Variants in ITCH observed in about 807,000 individuals in gnomAD.
ITCH encodes the protein itchy E3 ubiquitin protein ligase, also known as E3 ubiquitin-protein ligase Itchy homolog.
In ITCH, 28 loss-of-function variants were observed where a neutral mutation model predicts 126.8. The ratio of observed to expected loss-of-function variants is 0.22; its 90% confidence interval spans 0.16 to 0.30. The LOEUF (loss-of-function observed/expected upper bound fraction) is 0.30. Ranked by LOEUF, ITCH falls within the 10% of genes least tolerant of loss-of-function variation. The pLI is 1.00. For missense variants in ITCH, 631 were observed against 1,032.4 expected (o/e 0.61, Z 5.33); for synonymous variants, 342 against 340.0 (o/e 1.01, Z -0.06).
rs546555130 is a variant in ITCH, at chr20:34,390,443, C to CTTT, written c.-21-3325_-21-3323dup. ...ATGGTATAGAATTGACAAGAATAAT[C>CTTT]TTTTTTTTTTTTTTTTTTTTTTTTT... On this transcript the variant is annotated intron_variant, in intron 2 of 24. Coordinates refer to ENST00000374864, the MANE Select transcript of ITCH (RefSeq NM_031483.7). Among the ~76,000 whole-genome samples the CTTT allele has an allele frequency of 3.9e-3, 356 of 90,778 alleles. 1 individual carries two copies. Among genetic ancestry groups the CTTT allele is most frequent in the East Asian group, 5.1e-3 (15 of 2,958 alleles). The allele number at this position is 90,778 out of a possible 152,430, so 59.6% of individuals were successfully genotyped here.
At chr20:34,490,876 T>C (rs1989460146) in intron 22 of ITCH, among the ~76,000 whole-genome samples, 2 of 152,176 alleles carry the variant, frequency 1.3e-5, no homozygotes, top group Non-Finnish European at 2.9e-5. Flanking sequence ...AACAGATACT[T>C]GTACACCAGT....
At chr20:34,444,409 C>T (rs898495138) in intron 10 of ITCH, among the ~76,000 whole-genome samples, 2 of 152,072 alleles carry the variant, frequency 1.3e-5, no homozygotes, top group Admixed American at 6.5e-5. Context: ...CATGGAGAAA[C>T]CCTGTCTCTA....
At chr20:34,399,612 G>A (rs1235000724) in intron 3 of ITCH, among the ~76,000 whole-genome samples, 9 of 151,850 alleles carry the variant, frequency 5.9e-5, no homozygotes, top group African/African-American at 1.5e-4. Flanking sequence ...AGGCTGAGGC[G>A]GGCAGATCAT....
chr20:34,405,141 CAAAAAAAAAAAA>C (rs1170286039), intron 3 of ITCH, among the ~76,000 whole-genome samples: 1 of 58,236 alleles, frequency 1.7e-5, no homozygotes, highest in Non-Finnish European at 3.0e-5. Flanking sequence ...GACCCTGTCT[CAAAAAAAAAAAA>C]AAAAAAAAAA....
At chr20:34,472,396 A>AGT in intron 16 of ITCH, among the ~76,000 whole-genome samples, 1 of 149,824 alleles carries the variant, frequency 6.7e-6, no homozygotes, top group Non-Finnish European at 1.5e-5. Flanking sequence ...AAAAAAAAAA[A>AGT]ACTTGAGTTA....
intron 2 of ITCH, among the ~76,000 whole-genome samples, chr20:34,373,621 G>T (rs1198861590): frequency 6.6e-6 from 1 of 152,020 alleles, no homozygotes; most frequent in Admixed American, 6.6e-5. Flanking sequence ...AGGGACTTAT[G>T]GTGAAAAAGC....
chr20:34,385,305 C>T (rs775003127), intron 2 of ITCH, among the ~76,000 whole-genome samples: 12 of 146,948 alleles, frequency 8.2e-5, no homozygotes, highest in Admixed American at 4.2e-4. Flanking sequence ...TTAGGTGATC[C>T]GCTCACCTTG....
chr20:34,401,673 G>A (rs1049528397), intron 3 of ITCH: 2 of 971,568 alleles, frequency 2.1e-6, no homozygotes, highest in South Asian at 4.8e-5. Flanking sequence ...GGAATCAATC[G>A]GTCCTCCTCA....
At chr20:34,464,877 A>G (rs1334130819) in intron 14 of ITCH, among the ~76,000 whole-genome samples, 1 of 151,500 alleles carries the variant, frequency 6.6e-6, no homozygotes, top group African/African-American at 2.4e-5. Flanking sequence ...CGCCTGGCTA[A>G]TTTTCGTATT....
Position 34,402,432 on chromosome 20 carries a change from C to T in ITCH, c.71-6219C>T, listed in dbSNP as rs1197564205. 4 of 771,544 alleles carry T rather than the reference C, an allele frequency of 5.2e-6. No individual in the cohort carries two copies. In the African/African-American group the frequency reaches 6.8e-5, roughly 13 times the overall value. 47.8% of individuals were successfully genotyped at this position (771,544 alleles called of 1,614,324 possible). A position where few individuals can be genotyped will look rare whatever the true frequency, so the allele number is the denominator to read the frequency against. ...GACAGTGGCACCCACTTTTCTTTCACATTTTCAAATGAAAATGGAGAGATG... is the reference window on the plus strand; with the variant it reads ...GACAGTGGCACCCACTTTTCTTTCATATTTTCAAATGAAAATGGAGAGATG... On this transcript the variant is annotated intron_variant, in intron 3 of 24. Coordinates refer to ENST00000374864, the MANE Select transcript of ITCH (RefSeq NM_031483.7).
chr20:34,421,551 C>G (rs1257499690), intron 6 of ITCH, among the ~76,000 whole-genome samples: 3 of 152,162 alleles, frequency 2.0e-5, no homozygotes, highest in Admixed American at 6.5e-5. Flanking sequence ...TTAAGAACAA[C>G]CATTGTTCTC....
At chr20:34,431,373 A>T (rs1982267353) in intron 7 of ITCH, among the ~76,000 whole-genome samples, 2 of 152,126 alleles carry the variant, frequency 1.3e-5, no homozygotes, top group African/African-American at 4.8e-5. Flanking sequence ...TGATTGCGCC[A>T]TTGCACTCCA....
chr20:34,413,962 A>G (rs1187490193), intron 6 of ITCH, 83 bp downstream of exon 6: 1 of 1,149,132 alleles, frequency 8.7e-7, no homozygotes, highest in Non-Finnish European at 1.3e-6. Flanking sequence ...AATTATTTTG[A>G]TTTTTTTTTT....
In ITCH at chr20:34,480,663, A is replaced by G; in HGVS notation, c.1883A>G (p.Asn628Ser). The G allele has an allele frequency of 6.2e-7, 1 of 1,612,886 alleles. No individual in the cohort carries two copies. The highest frequency in any genetic ancestry group is 8.5e-7 in the Non-Finnish European group (1 of 1,178,908). The change falls in exon 19 of 25, where the codon AAC (asparagine) becomes AGC (serine). Residue 628 changes from asparagine (N) to serine (S), a missense_variant. This residue lies in a region of ITCH where 390 missense variants were observed against 731.6 expected (regional missense o/e 0.53). Coordinates refer to ENST00000374864, the MANE Select transcript of ITCH (RefSeq NM_031483.7). ...FSLPFYKRIL[N>S]KPVGLKDLES... ...TTACCATTCTATAAGCGTATCTTGA[A>G]CAAACCAGTTGGACTCAAGGATTTA...
At chr20:34,503,995 C>T (rs1348945125) in intron 23 of ITCH, among the ~76,000 whole-genome samples, 1 of 151,520 alleles carries the variant, frequency 6.6e-6, no homozygotes, top group Admixed American at 6.6e-5. Context: ...ATTCTCCTGC[C>T]TCAGTCTCCT....
At chr20:34,479,534 C>A in intron 17 of ITCH, 96 bp from the exon 18 acceptor site, 1 of 927,324 alleles carries the variant, frequency 1.1e-6, no homozygotes, top group Non-Finnish European at 1.7e-6. Context: ...CTATCACTAG[C>A]TGAGGGGTAT....
chr20:34,425,858 C>T (rs1981443271), intron 7 of ITCH, among the ~76,000 whole-genome samples: 2 of 152,224 alleles, frequency 1.3e-5, no homozygotes, highest in Admixed American at 1.3e-4. Context: ...TGTGGGTCCT[C>T]ACACGTTGAG....
chr20:34,384,472 G>A (rs2038196743), intron 2 of ITCH, among the ~76,000 whole-genome samples: 2 of 151,422 alleles, frequency 1.3e-5, no homozygotes, highest in Admixed American at 6.6e-5. Flanking sequence ...GTAGAGACGG[G>A]GTTTGACCAT....
At chr20:34,467,711 G>A (rs547038469) in intron 14 of ITCH, among the ~76,000 whole-genome samples, 2 of 103,142 alleles carry the variant, frequency 1.9e-5, no homozygotes, top group South Asian at 3.0e-4. Context: ...TTGAGACGGA[G>A]TTTCACTCTT....
Sources: allele counts gnomAD v4.1 joint callset (sites outside exome capture counted in the v4.1 genomes callset), GRCh38; gene constraint gnomAD v4.1.1; regional missense constraint gnomAD v4.1.1; transcripts MANE v1.5; gene names NCBI Gene and HGNC (gene_info 2026-07-23, HGNC 2026-07-21).